The following CDC40 variants were observed in gnomAD, a reference collection of about 807,000 sequenced individuals.
The protein encoded by CDC40 is cell division cycle 40.
Under a neutral mutation model 80.6 loss-of-function variants are expected in CDC40, and 27 were observed. That is an observed-to-expected ratio of 0.33 (90% CI 0.25 to 0.46). The LOEUF is 0.46. CDC40 is among the 20% of genes least tolerant of loss of function. The probability of loss-of-function intolerance (pLI) is 1.00; values close to 1 mark genes in which losing one functional copy is unlikely to be tolerated. For missense variants in CDC40, 486 were observed against 694.1 expected, an observed-to-expected ratio of 0.70 and a Z score of 3.37; for synonymous variants, 221 against 232.6, an observed-to-expected ratio of 0.95 and a Z score of 0.45.
intron 2 of CDC40, among the ~76,000 whole-genome samples, chr6:110,197,940 A>G (rs1202273500): frequency 6.6e-6 from 1 of 152,066 alleles, no homozygotes; most frequent in Admixed American, 6.6e-5. Flanking sequence ...GTCATATGGT[A>G]GTTCTATTTT....
rs900688056 is a variant in CDC40 at position 110,209,005 on chromosome 6, A to C, written c.491-79A>C. Reference sequence around the variant, plus strand: ...TTAACCATATAAAATAAAATTAAACATATGTTCATATTTCTTTAGAAAATG... The same window carrying C: ...TTAACCATATAAAATAAAATTAAACCTATGTTCATATTTCTTTAGAAAATG... On this transcript the variant is annotated intron_variant, in intron 4 of 14. Coordinates refer to ENST00000307731, the MANE Select transcript of CDC40 (RefSeq NM_015891.3). 3 of 876,792 alleles carry C rather than the reference A, an allele frequency of 3.4e-6. No homozygotes were observed. The Admixed American group carries it at 8.5e-5, about 25-fold the overall frequency. 54.3% of individuals were successfully genotyped at this position (876,792 alleles called of 1,614,324 possible). A position where few individuals can be genotyped will look rare whatever the true frequency, so the allele number is the denominator to read the frequency against.
At chr6:110,187,060 G>A (rs900412040) in intron 1 of CDC40, among the ~76,000 whole-genome samples, 1 of 152,090 alleles carries the variant, frequency 6.6e-6, no homozygotes, top group Non-Finnish European at 1.5e-5. Flanking sequence ...CTCACTGCAA[G>A]CTCTGCCTCC....
intron 13 of CDC40, among the ~76,000 whole-genome samples, chr6:110,227,156 T>C (rs1777875141): frequency 1.3e-5 from 2 of 152,258 alleles, no homozygotes; most frequent in African/African-American, 4.8e-5. Flanking sequence ...ATCTATTTAA[T>C]ATTGTTTAAT....
intron 1 of CDC40, among the ~76,000 whole-genome samples, chr6:110,185,241 C>CTTTTTTTTT (rs1227694611): frequency 9.7e-5 from 12 of 124,034 alleles, no homozygotes; most frequent in Non-Finnish European, 9.8e-5. Context: ...ATCTTTTTTT[C>CTTTTTTTTT]TTTTTTTTTT....
intron 12 of CDC40, among the ~76,000 whole-genome samples, chr6:110,221,398 C>T (rs770305857): frequency 3.7e-4 from 57 of 152,302 alleles, no homozygotes; most frequent in Non-Finnish European, 7.1e-4. Flanking sequence ...GGTGACTGAG[C>T]ATTTAATGTA....
At chr6:110,209,417 G>T in intron 5 of CDC40, 194 bp downstream of exon 5, 1 of 465,470 alleles carries the variant, frequency 2.1e-6, no homozygotes. Context: ...CTTTTCTGCT[G>T]ATTTGTTTTC....
At chr6:110,191,344 T>C (rs1777346649) in intron 1 of CDC40, among the ~76,000 whole-genome samples, 2 of 152,230 alleles carry the variant, frequency 1.3e-5, no homozygotes, top group Admixed American at 1.3e-4. Flanking sequence ...TTACTTTGCA[T>C]TATCTTTGCA....
chr6:110,201,370 C>A (rs2114657120), intron 2 of CDC40, among the ~76,000 whole-genome samples, 188 bp from the exon 3 acceptor site: 1 of 152,234 alleles, frequency 6.6e-6, no homozygotes, highest in South Asian at 2.1e-4. Context: ...TCCTTCTGTC[C>A]CAGGGGCTGA....
intron 7 of CDC40, 46 bp downstream of exon 7, chr6:110,212,318 A>G (rs1336140385): frequency 6.9e-6 from 11 of 1,591,240 alleles, no homozygotes; most frequent in Admixed American, 3.4e-5. Flanking sequence ...TATAATAATG[A>G]AGCCAACGTA....
At chr6:110,192,636 C>G (rs1242079123) in intron 1 of CDC40, among the ~76,000 whole-genome samples, 1 of 152,182 alleles carries the variant, frequency 6.6e-6, no homozygotes, top group Non-Finnish European at 1.5e-5. Flanking sequence ...AAAAGTTATA[C>G]TACCAGTGAT....
intron 1 of CDC40, among the ~76,000 whole-genome samples, chr6:110,181,380 G>T (rs991760122): frequency 2.0e-5 from 3 of 152,322 alleles, no homozygotes; most frequent in African/African-American, 7.2e-5. Context: ...AAGCTGATGT[G>T]TCTGGAGCCT....
At chr6:110,229,036 G>A in intron 14 of CDC40, 60 bp downstream of exon 14, 2 of 1,310,494 alleles carry the variant, frequency 1.5e-6, no homozygotes, top group Non-Finnish European at 2.1e-6. Context: ...AACTGTTGTT[G>A]TACAAATAAC....
At chr6:110,225,573 G>A (rs1777845807) in intron 12 of CDC40, among the ~76,000 whole-genome samples, 1 of 151,720 alleles carries the variant, frequency 6.6e-6, no homozygotes, top group Non-Finnish European at 1.5e-5. Context: ...ATTTCTGGAT[G>A]GGCTAGATCA....
intron 6 of CDC40, 87 bp downstream of exon 6, chr6:110,210,890 C>A: frequency 2.0e-6 from 1 of 510,798 alleles, no homozygotes; most frequent in Non-Finnish European, 3.3e-6. Context: ...ATTACCCTTA[C>A]TATCAGCTGT....
intron 8 of CDC40, among the ~76,000 whole-genome samples, 169 bp downstream of exon 8, chr6:110,213,329 C>T (rs550829215): frequency 6.6e-6 from 1 of 151,994 alleles, no homozygotes; most frequent in East Asian, 1.9e-4. Context: ...ATAAAATCAA[C>T]TATGGCTCTG....
chr6:110,209,050 A>C (rs1304625231), intron 4 of CDC40, 34 bp from the exon 5 acceptor site: 6 of 1,181,428 alleles, frequency 5.1e-6, no homozygotes, highest in Middle Eastern at 2.3e-4. Flanking sequence ...GTAATCTCTC[A>C]GTTTTTTTTT....
At position 110,217,703 on chromosome 6, in the gene CDC40, T is replaced by A; in HGVS notation, c.990T>A (p.Gly330=). The A allele has an allele frequency of 6.6e-7, 1 of 1,515,604 alleles. No homozygotes were observed. Among genetic ancestry groups the A allele is most frequent in the Non-Finnish European group, 9.2e-7 (1 of 1,090,214 alleles). The allele number at this position is 1,515,604 out of a possible 1,614,324, so 93.9% of individuals were successfully genotyped here. ...GERRCLRTFI[G]HSKAVRDICF... ...TGTTTCTGTTGACTCCACCTTTAGG[T>A]CACAGTAAGGCTGTTAGGGATATCT... Residue 330 remains glycine (G), a splice_region_variant and synonymous_variant, in exon 10 of 15, where the codon GGT becomes GGA. Coordinates refer to ENST00000307731, the MANE Select transcript of CDC40 (RefSeq NM_015891.3).
intron 4 of CDC40, 21 bp from the exon 5 acceptor site, chr6:110,209,063 A>ATTTTTT: frequency 4.0e-6 from 5 of 1,247,396 alleles, no homozygotes; most frequent in Non-Finnish European, 5.5e-6. Flanking sequence ...TTTTTTTTTA[A>ATTTTTT]TTTTTTTTTT....
intron 12 of CDC40, among the ~76,000 whole-genome samples, chr6:110,223,313 G>T (rs1292906602): frequency 6.6e-6 from 1 of 152,100 alleles, no homozygotes; most frequent in Non-Finnish European, 1.5e-5. Flanking sequence ...ACAAACTCCT[G>T]GCCTCACAAA....
Sources: allele counts gnomAD v4.1 joint callset (sites outside exome capture counted in the v4.1 genomes callset), GRCh38; gene constraint gnomAD v4.1.1; transcripts MANE v1.5; gene names NCBI Gene and HGNC (gene_info 2026-07-23, HGNC 2026-07-21).